HDAC10: variants seen among roughly 807,000 people sequenced by gnomAD.
HDAC10 encodes the protein histone deacetylase 10.
In HDAC10, 90 loss-of-function variants were observed where a neutral mutation model predicts 82.3. The observed-to-expected ratio is 1.09, with a 90% CI of 0.92 to 1.30. The LOEUF is 1.30. Among genes scored for constraint, HDAC10 ranks in the 50% most tolerant of loss-of-function variants. HDAC10 has a pLI of 0.00. For missense variants in HDAC10, 934 were observed against 876.3 expected (o/e 1.07, Z -0.83); for synonymous variants, 456 against 391.7 (o/e 1.16, Z -1.94).
chr22:50,250,418 G>A lies in HDAC10; in HGVS notation c.291+9C>T, dbSNP rs1428336206. ...GTCTGCACAGGTGAGTGTGTCCGGG[G>A]ACACGCACCGGGTGGAAGTAGATGG... On this transcript the variant is annotated intron_variant, in intron 3 of 19. Transcript: ENST00000216271. 25 of 1,611,638 alleles carry A rather than the reference G, an allele frequency of 1.6e-5. No individual in the cohort carries two copies. The highest frequency in any genetic ancestry group is 2.0e-5 in the Non-Finnish European group (23 of 1,178,872).
At position 50,248,746 on chromosome 22, in the gene HDAC10, T is replaced by C. The variant is rs1401245922; in HGVS notation, c.822A>G (p.Gln274=). Residue 274 remains glutamine, a synonymous_variant, in exon 10 of 20, where the codon CAA becomes CAG. Coordinates refer to ENST00000216271, the MANE Select transcript of HDAC10 (RefSeq NM_032019.6). This position sits in a 1 kb window ranked among gnomAD's most constrained non-coding sequence, Gnocchi z 5.4. ...CGAAGCACTCTGGCGTGGCCTGCATTTGCCCCTGGAACCAGAGCCATGTGT... is the reference window on the plus strand; with the variant it reads ...CGAAGCACTCTGGCGTGGCCTGCATCTGCCCCTGGAACCAGAGCCATGTGT... The part of the protein sequence containing the change: ...FDSAIGDPEG[Q]MQATPECFAH... 6.3e-7 allele frequency: 1 copy of C among 1,583,616 alleles called. No homozygotes were observed. The highest frequency in any genetic ancestry group is 8.6e-7 in the Non-Finnish European group (1 of 1,164,938).
In HDAC10 at chr22:50,245,510, A is replaced by G. The variant is rs777211418; in HGVS notation, c.2007T>C (p.Ala669=). The G allele has an allele frequency of 9.0e-6, 8 of 884,478 alleles. No individual in the cohort carries two copies. The highest frequency in any genetic ancestry group is 1.7e-5 in the Admixed American group (1 of 58,238). The allele number at this position is 884,478 out of a possible 1,614,324, so 54.8% of individuals were successfully genotyped here. The change falls in exon 20 of 20, where the codon GCT becomes GCC. Residue 669 remains alanine, a synonymous_variant. Transcript: ENST00000216271. ...AATGCTCCCACCTTGGCCGATTTCA[A>G]GCCACCAGGTGAGGATGGCACTACA... The part of the protein sequence containing the change: ...KMLQCHPHLV[A]
Position 50,250,775 on chromosome 22 carries a change from G to A in HDAC10, c.190C>T (p.His64Tyr), listed in dbSNP as rs752237682. Reference protein sequence around the residue: ...EASEEELGLVHSPEYVSLVRE... With the variant: ...EASEEELGLVYSPEYVSLVRE... Reference sequence around the variant, plus strand: ...GGGGCCTGCCCCCGTCCTGACCTGTGCACCAGGCCCAGCTCCTCTTCCGAG... The same window carrying A: ...GGGGCCTGCCCCCGTCCTGACCTGTACACCAGGCCCAGCTCCTCTTCCGAG... Residue 64 changes from histidine (H) to tyrosine (Y), a missense_variant, in exon 2 of 20, where the codon CAC becomes TAC. Transcript: ENST00000216271. 6.3e-7 allele frequency: 1 copy of A among 1,596,988 alleles called. No individual in the cohort carries two copies. Among genetic ancestry groups the A allele is most frequent in the East Asian group, 2.3e-5 (1 of 44,362 alleles).
At position 50,248,048 on chromosome 22, in the gene HDAC10, A is replaced by G. The variant is rs576145775; in HGVS notation, c.1179T>C (p.Ser393=). ...GCTGGTCCAGGAGGGAGCTCGGTGC[A>G]GATGCAGCTGCCTTACACACTGGAC... ...PGGPVCKAAA[S]APSSLLDQPC... is the part of the protein sequence containing the mutation. Residue 393 remains serine, a synonymous_variant, in exon 13 of 20, where the codon TCT becomes TCC. Transcript: ENST00000216271. This position sits in a 1 kb window ranked among gnomAD's most constrained non-coding sequence, Gnocchi z 5.4. The G allele has an allele frequency of 6.2e-7, 1 of 1,611,014 alleles. No homozygotes were observed. The highest frequency in any genetic ancestry group is 2.2e-5 in the East Asian group (1 of 44,840).
chr22:50,247,283 C>T, intron 14 of HDAC10: 2 of 330,264 alleles, frequency 6.1e-6, no homozygotes, highest in South Asian at 1.3e-4. Context: ...CAGGCACACA[C>T]CACCACGCTT....
chr22:50,250,678 G>T, intron 2 of HDAC10, 93 bp downstream of exon 2: 1 of 1,398,150 alleles, frequency 7.2e-7, no homozygotes, highest in South Asian at 1.4e-5. Context: ...CTCTGTATTC[G>T]AGGCTGGCAG....
In HDAC10 at chr22:50,245,342, C is replaced by T; in HGVS notation, c.*165G>A. The T allele has an allele frequency of 4.0e-6, 2 of 502,958 alleles. No individual in the cohort carries two copies. The highest frequency in any genetic ancestry group is 6.0e-5 in the African/African-American group (1 of 16,712). 31.2% of individuals were successfully genotyped at this position (502,958 alleles called of 1,614,324 possible). ...GGGCGAGGTGAGGTGAGGGGTGGAGCGGGGGAAGCACGGGTGGGAGAGGGC... is the reference window on the plus strand; with the variant it reads ...GGGCGAGGTGAGGTGAGGGGTGGAGTGGGGGAAGCACGGGTGGGAGAGGGC... On this transcript the variant is annotated 3_prime_UTR_variant, in exon 20 of 20. Coordinates refer to ENST00000216271, the MANE Select transcript of HDAC10 (RefSeq NM_032019.6).
rs753269312 is a variant in HDAC10, at chr22:50,248,897, G to A, written c.757-7C>T. 2.5e-6 allele frequency: 4 copies of A among 1,610,300 alleles called. No individual in the cohort carries two copies. The highest frequency in any genetic ancestry group is 3.4e-6 in the Non-Finnish European group (4 of 1,178,900). On this transcript the variant is annotated splice_region_variant and splice_polypyrimidine_tract_variant and intron_variant, in intron 8 of 19. Coordinates refer to ENST00000216271, the MANE Select transcript of HDAC10 (RefSeq NM_032019.6). The surrounding 1 kb of genome is among the most constrained non-coding windows in gnomAD (Gnocchi z 5.4). ...GCACCAGCTCAGGGTCAAACTACAG[G>A]CCAGGCCGGAGTGGGGAGGGTCGAC...
rs373676457 is a variant in HDAC10, at chr22:50,246,766, T to A, written c.1515-31A>T. The A allele has an allele frequency of 2.5e-6, 4 of 1,611,882 alleles. No individual in the cohort carries two copies. In the African/African-American group the frequency reaches 5.3e-5, roughly 22 times the overall value. ...AGAAGAGCTGGCCTCAGGACAGGTG[T>A]TCATGTTGTCCAGAGTCCATTCCCA... On this transcript the variant is annotated intron_variant, in intron 15 of 19. Transcript: ENST00000216271.
In HDAC10 at chr22:50,251,079, T is replaced by C. The variant is rs761401028; in HGVS notation, c.-47A>G. 9 of 1,535,742 alleles carry C rather than the reference T, an allele frequency of 5.9e-6. No individual in the cohort carries two copies. The South Asian group carries it at 1.0e-4, about 18-fold the overall frequency. On this transcript the variant is annotated 5_prime_UTR_variant, in exon 1 of 20. Coordinates refer to ENST00000216271, the MANE Select transcript of HDAC10 (RefSeq NM_032019.6). ...GGTTCCCAAACGCCCTCGCTAGTGG[T>C]GCCTGCCACTGCCTGTCCCCACCTT...
In HDAC10 at chr22:50,251,175, G is replaced by C; in HGVS notation, c.-143C>G. 1.2e-6 allele frequency: 1 copy of C among 800,278 alleles called. No homozygotes were observed. Among genetic ancestry groups the C allele is most frequent in the Non-Finnish European group, 2.0e-6 (1 of 508,104 alleles). 49.6% of individuals were successfully genotyped at this position (800,278 alleles called of 1,614,324 possible). On this transcript the variant is annotated 5_prime_UTR_variant, in exon 1 of 20. Coordinates refer to ENST00000216271, the MANE Select transcript of HDAC10 (RefSeq NM_032019.6). The stretch of plus-strand genomic sequence containing the variant: ...GGGCGGCGGGCACCGGCCTGGGCGG[G>C]AGCGCACAGAACCTAGGCAGGCTCC...
chr22:50,250,951 C>T, intron 1 of HDAC10, 23 bp downstream of exon 1: 1 of 1,611,226 alleles, frequency 6.2e-7, no homozygotes, highest in Non-Finnish European at 8.5e-7. Context: ...CCCCGCACCC[C>T]ACCTCGGCCA....
Position 50,249,349 on chromosome 22 carries a change from A to C in HDAC10, c.669T>G (p.Thr223=), listed in dbSNP as rs1215393942. 1.2e-6 allele frequency: 2 copies of C among 1,611,594 alleles called. No individual in the cohort carries two copies. Among genetic ancestry groups the C allele is most frequent in the South Asian group, 1.1e-5 (1 of 90,828 alleles). Residue 223 remains threonine, a synonymous_variant, in exon 7 of 20, where the codon ACT becomes ACG. Coordinates refer to ENST00000216271, the MANE Select transcript of HDAC10 (RefSeq NM_032019.6). This position sits in a 1 kb window ranked among gnomAD's most constrained non-coding sequence, Gnocchi z 4.4. ...GCACCTGGTTCCAGGGCAGGTTGAC[A>C]GTGAAGCCGAGGCCCTGTCCCCGCC... ...AVGRGQGLGF[T]VNLPWNQVGM...
At position 50,248,954 on chromosome 22, in the gene HDAC10, C is replaced by A; in HGVS notation, c.757-64G>T. The A allele has an allele frequency of 6.5e-7, 1 of 1,537,934 alleles. No individual in the cohort carries two copies. Among genetic ancestry groups the A allele is most frequent in the African/African-American group, 1.4e-5 (1 of 73,518 alleles). On this transcript the variant is annotated intron_variant, in intron 8 of 19. Coordinates refer to ENST00000216271, the MANE Select transcript of HDAC10 (RefSeq NM_032019.6). The surrounding 1 kb of genome is among the most constrained non-coding windows in gnomAD (Gnocchi z 5.4). ...GGGCTGGAGCCCAGGTGAGGGCGAGCCAGGCCCATCCCATCCCCTCCTGAG... is the reference window on the plus strand; with the variant it reads ...GGGCTGGAGCCCAGGTGAGGGCGAGACAGGCCCATCCCATCCCCTCCTGAG...
chr22:50,245,912 C>A lies in HDAC10; in HGVS notation c.1831G>T (p.Glu611Ter). 6.4e-7 allele frequency: 1 copy of A among 1,574,736 alleles called. No homozygotes were observed. Among genetic ancestry groups the A allele is most frequent in the East Asian group, 2.4e-5 (1 of 42,474 alleles). ...CACCTCCACCCTGCCCAGCTTACCT[C>A]CTCCAGGAGGGCCAGGACTCGGCCC... The part of the protein sequence containing the change: ...AGGRVLALLE[E>*]NSTPQLAGIL... Residue 611 changes from glutamate (E) to a stop codon, truncating the protein, a stop_gained and splice_region_variant, in exon 18 of 20, where the codon GAG becomes TAG. Transcript: ENST00000216271. LOFTEE classifies it high-confidence loss of function.
At position 50,248,053 on chromosome 22, in the gene HDAC10, C is replaced by A; in HGVS notation, c.1174G>T (p.Ala392Ser). The A allele has an allele frequency of 6.2e-7, 1 of 1,610,360 alleles. No individual in the cohort carries two copies. Among genetic ancestry groups the A allele is most frequent in the Non-Finnish European group, 8.5e-7 (1 of 1,178,600 alleles). Residue 392 changes from alanine (A) to serine (S), a missense_variant, in exon 13 of 20, where the codon GCA becomes TCA. Coordinates refer to ENST00000216271, the MANE Select transcript of HDAC10 (RefSeq NM_032019.6). This position sits in a 1 kb window ranked among gnomAD's most constrained non-coding sequence, Gnocchi z 5.4. Reference protein sequence around the residue: ...LPGGPVCKAAASAPSSLLDQP... With the variant: ...LPGGPVCKAASSAPSSLLDQP... The stretch of plus-strand genomic sequence containing the variant: ...TCCAGGAGGGAGCTCGGTGCAGATG[C>A]AGCTGCCTTACACACTGGACCCCCA...
chr22:50,247,974 G>A lies in HDAC10; in HGVS notation c.1253C>T (p.Thr418Met), dbSNP rs112311672. The change falls in exon 13 of 20, where the codon ACG becomes ATG. Residue 418 changes from threonine (T) to methionine (M), a missense_variant. Coordinates refer to ENST00000216271, the MANE Select transcript of HDAC10 (RefSeq NM_032019.6). ...GGGCAGAACCAATGTGATATCCGGC[G>A]TTGTCAGGGCAACAGCGGTGCGGAC... ...PSVRTAVALT[T>M]PDITLVLPPD... The A allele has an allele frequency of 1.3e-4, 206 of 1,612,814 alleles. 1 individual carries two copies. In the East Asian group the frequency reaches 3.2e-3, roughly 25 times the overall value.
chr22:50,245,493 C>T lies in HDAC10; in HGVS notation c.*14G>A, dbSNP rs2064916709. The T allele has an allele frequency of 1.2e-6, 1 of 825,838 alleles. No individual in the cohort carries two copies. Among genetic ancestry groups the T allele is most frequent in the Non-Finnish European group, 2.1e-6 (1 of 465,364 alleles). 51.2% of individuals were successfully genotyped at this position (825,838 alleles called of 1,614,324 possible). ...GTCATTTCTGCGGTGTAAATGCTCC[C>T]ACCTTGGCCGATTTCAAGCCACCAG... On this transcript the variant is annotated 3_prime_UTR_variant, in exon 20 of 20. Transcript: ENST00000216271.
In HDAC10 at chr22:50,248,852, G is replaced by A; in HGVS notation, c.795C>T (p.Asp265=). ...PELVLVSAGF[D]SAIGDPEGQM... Reference sequence around the variant, plus strand: ...TCACCTCAGGGTCCCCGATGGCTGAGTCAAATCCTGCCGAGACCAGCACCA... The same window carrying A: ...TCACCTCAGGGTCCCCGATGGCTGAATCAAATCCTGCCGAGACCAGCACCA... Residue 265 remains aspartate (D), a synonymous_variant, in exon 9 of 20, where the codon GAC becomes GAT. Coordinates refer to ENST00000216271, the MANE Select transcript of HDAC10 (RefSeq NM_032019.6). The surrounding 1 kb of genome is among the most constrained non-coding windows in gnomAD (Gnocchi z 5.4). 2 of 1,611,554 alleles carry A rather than the reference G, an allele frequency of 1.2e-6. No homozygotes were observed. The highest frequency in any genetic ancestry group is 1.7e-6 in the Non-Finnish European group (2 of 1,179,464).
Sources: allele counts gnomAD v4.1 joint callset, GRCh38; gene constraint gnomAD v4.1.1; non-coding constraint Gnocchi (gnomAD v3.1); transcripts MANE v1.5; gene names NCBI Gene and HGNC (gene_info 2026-07-23, HGNC 2026-07-21).